Variants in TAX1BP1 observed in about 807,000 individuals in gnomAD.
The protein encoded by TAX1BP1 is tax1-binding protein 1.
TAX1BP1 carries 62 observed loss-of-function variants against 97.7 expected under a neutral mutation model. The observed-to-expected ratio is 0.63, with a 90% confidence interval of 0.52 to 0.78. The LOEUF is 0.78. Among genes scored for constraint, TAX1BP1 ranks in the 30% least tolerant of loss-of-function variants. TAX1BP1 has a pLI of 0.00. For missense variants in TAX1BP1, 867 were observed against 916.1 expected (o/e 0.95, Z 0.69); for synonymous variants, 340 against 304.2 (o/e 1.12, Z -1.23).
chr7:27,749,818 G>A (rs1209337570), intron 2 of TAX1BP1, among the ~76,000 whole-genome samples: 1 of 151,968 alleles, frequency 6.6e-6, no homozygotes. Flanking sequence ...TTTGAGACAG[G>A]GTCTTATTCT....
chr7:27,801,531 A>G (rs777854864), intron 13 of TAX1BP1, among the ~76,000 whole-genome samples: 3 of 152,180 alleles, frequency 2.0e-5, no homozygotes, highest in Non-Finnish European at 2.9e-5. Flanking sequence ...GTAAATGTCT[A>G]TTGAAGCCTA....
At chr7:27,747,577 A>G (rs1375049762) in intron 1 of TAX1BP1, among the ~76,000 whole-genome samples, 1 of 152,188 alleles carries the variant, frequency 6.6e-6, no homozygotes, top group African/African-American at 2.4e-5. Context: ...TTATAGGTGG[A>G]GAAGAACAAA....
At position 27,740,253 on chromosome 7, in the gene TAX1BP1, G is replaced by C. The variant is rs1787520496; in HGVS notation, c.-24G>C. 1.3e-5 allele frequency: 2 copies of C among 152,482 alleles called. No individual in the cohort carries two copies. Among genetic ancestry groups the C allele is most frequent in the Non-Finnish European group, 2.9e-5 (2 of 68,288 alleles). The allele number at this position is 152,482 out of a possible 1,614,324, so 9.4% of individuals were successfully genotyped here. ...CCTGCGTAACTTTCTCCCTTGATCCGGGAGTCTTTCCACTGGGTAAGGCGC... is the reference window on the plus strand; with the variant it reads ...CCTGCGTAACTTTCTCCCTTGATCCCGGAGTCTTTCCACTGGGTAAGGCGC... On this transcript the variant is annotated 5_prime_UTR_variant, in exon 1 of 17. Coordinates refer to ENST00000396319, the MANE Select transcript of TAX1BP1 (RefSeq NM_006024.7).
At chr7:27,770,744 A>T (rs1234061872) in intron 5 of TAX1BP1, among the ~76,000 whole-genome samples, 7 of 152,130 alleles carry the variant, frequency 4.6e-5, no homozygotes, top group Admixed American at 4.6e-4. Context: ...AGTAAGTCTT[A>T]AATTCTGAAA....
At chr7:27,741,168 C>A (rs1787582899) in intron 1 of TAX1BP1, among the ~76,000 whole-genome samples, 1 of 152,176 alleles carries the variant, frequency 6.6e-6, no homozygotes, top group African/African-American at 2.4e-5. Flanking sequence ...GAAAATAAAT[C>A]TTGATTTTTC....
intron 2 of TAX1BP1, among the ~76,000 whole-genome samples, chr7:27,756,073 A>T (rs1788199907): frequency 6.6e-6 from 1 of 152,202 alleles, no homozygotes; most frequent in Non-Finnish European, 1.5e-5. Context: ...AAAACAGAGA[A>T]TCAACCTTTG....
At chr7:27,758,396 A>ATT (rs543280724) in intron 3 of TAX1BP1, 11 of 215,906 alleles carry the variant, frequency 5.1e-5, no homozygotes, top group African/African-American at 9.4e-5. Context: ...ATTTTTGGAG[A>ATT]TTTTTTTTTT....
intron 13 of TAX1BP1, among the ~76,000 whole-genome samples, chr7:27,805,697 C>G (rs1280503906): frequency 6.6e-6 from 1 of 152,050 alleles, no homozygotes; most frequent in Non-Finnish European, 1.5e-5. Flanking sequence ...ATTAGCCAGG[C>G]ATGGTGGCTC....
intron 4 of TAX1BP1, 88 bp from the exon 5 acceptor site, chr7:27,769,588 T>C (rs1001995626): frequency 2.9e-6 from 3 of 1,019,238 alleles, no homozygotes; most frequent in Non-Finnish European, 4.2e-6. Flanking sequence ...GTCTTCATTA[T>C]TTTTTTTGGA....
intron 13 of TAX1BP1, among the ~76,000 whole-genome samples, chr7:27,811,569 A>G (rs1025134270): frequency 7.9e-5 from 12 of 151,234 alleles, no homozygotes; most frequent in Non-Finnish European, 1.5e-4. Flanking sequence ...TCCTTTGTTA[A>G]TAAGGCCTCT....
chr7:27,755,473 G>A (rs914186442), intron 2 of TAX1BP1, among the ~76,000 whole-genome samples: 2 of 151,800 alleles, frequency 1.3e-5, no homozygotes, highest in Non-Finnish European at 2.9e-5. Context: ...TGTTTCTCCA[G>A]GATTTATTAT....
intron 15 of TAX1BP1, among the ~76,000 whole-genome samples, chr7:27,823,468 A>G (rs932180726): frequency 3.9e-5 from 6 of 152,186 alleles, no homozygotes; most frequent in South Asian, 2.1e-4. Context: ...AAATATTTCA[A>G]TTAGTAGTTC....
At chr7:27,743,236 G>A (rs189298348) in intron 1 of TAX1BP1, among the ~76,000 whole-genome samples, 5 of 152,202 alleles carry the variant, frequency 3.3e-5, no homozygotes, top group African/African-American at 4.8e-5. Context: ...ATAGACTGGG[G>A]CTTTTGCTGT....
At position 27,787,504 on chromosome 7, in the gene TAX1BP1, C is replaced by A. The variant is rs572441406; in HGVS notation, c.939C>A (p.Ser313Arg). 6.2e-7 allele frequency: 1 copy of A among 1,613,542 alleles called. No individual in the cohort carries two copies. The highest frequency in any genetic ancestry group is 8.5e-7 in the Non-Finnish European group (1 of 1,179,672). Reference protein sequence around the residue: ...TLKNLDGNKESVITHFKEEIG... With the variant: ...TLKNLDGNKERVITHFKEEIG... ...AAAATTTAGATGGGAACAAAGAAAG[C>A]GTGATTACTCATTTCAAAGAAGAGA... The change falls in exon 8 of 17, where the codon AGC (serine) becomes AGA (arginine). Residue 313 changes from serine (S) to arginine (R), a missense_variant. By Grantham distance (110) the Ser-to-Arg change is moderately radical. Coordinates refer to ENST00000396319, the MANE Select transcript of TAX1BP1 (RefSeq NM_006024.7).
chr7:27,818,851 TA>T (rs962777111), intron 15 of TAX1BP1, among the ~76,000 whole-genome samples: 6 of 152,080 alleles, frequency 3.9e-5, no homozygotes, highest in Non-Finnish European at 7.4e-5. Flanking sequence ...AGAGACAGAT[TA>T]AATAGCATGC....
intron 13 of TAX1BP1, among the ~76,000 whole-genome samples, chr7:27,802,248 G>C (rs923887839): frequency 5.3e-5 from 8 of 152,130 alleles, no homozygotes; most frequent in African/African-American, 1.7e-4. Flanking sequence ...GAGTCTTTTT[G>C]AAAATAATTT....
chr7:27,789,049 C>T (rs913849528), intron 8 of TAX1BP1, among the ~76,000 whole-genome samples: 1 of 152,008 alleles, frequency 6.6e-6, no homozygotes, highest in Non-Finnish European at 1.5e-5. Flanking sequence ...CATTATTACT[C>T]ATGTGTTTCC....
At chr7:27,740,029 C>G (rs1225542426), upstream of TAX1BP1, 1 of 152,242 alleles carries the variant, frequency 6.6e-6, no homozygotes, top group Non-Finnish European at 1.5e-5. Context: ...CGGGATGAGG[C>G]GTCCCGCGGC....
intron 8 of TAX1BP1, among the ~76,000 whole-genome samples, chr7:27,791,341 A>T (rs1789698993): frequency 6.6e-6 from 1 of 152,184 alleles, no homozygotes; most frequent in Non-Finnish European, 1.5e-5. Context: ...TAATGTTTAA[A>T]TGTTATAATG....
Sources: gnomAD v4.1 joint callset for allele counts (sites outside exome capture counted in the v4.1 genomes callset) on GRCh38, gnomAD v4.1.1 for gene constraint, MANE v1.5 for transcripts, NCBI Gene and HGNC (gene_info 2026-07-23, HGNC 2026-07-21) for gene names.